The following BRAF variants were observed in gnomAD, a reference collection of about 807,000 sequenced individuals.
BRAF encodes the protein serine/threonine-protein kinase B-raf.
In BRAF, 16 loss-of-function variants were observed where a neutral mutation model predicts 104.6. The ratio of observed to expected loss-of-function variants is 0.15; its 90% CI spans 0.10 to 0.23. The LOEUF (loss-of-function observed/expected upper bound fraction) is 0.23, where lower values mean the gene tolerates loss of function less well. Among genes scored for constraint, BRAF ranks in the 10% least tolerant of loss-of-function variants. The pLI is 1.00. For missense variants in BRAF, 541 were observed against 937.3 expected (o/e 0.58, Z 5.52); for synonymous variants, 310 against 341.6 (o/e 0.91, Z 1.02).
At chr7:140,911,367 A>T (rs929818227) in intron 1 of BRAF, among the ~76,000 whole-genome samples, 11 of 152,360 alleles carry the variant, frequency 7.2e-5, no homozygotes, top group African/African-American at 2.6e-4. Context: ...TATTAAGACG[A>T]CACTGAACAT....
intron 17 of BRAF, chr7:140,748,925 T>C (rs1797566580): frequency 5.8e-6 from 1 of 171,964 alleles, no homozygotes; most frequent in Admixed American, 6.0e-5. Flanking sequence ...ATCTCATAGC[T>C]GAGTACCTGT....
intron 1 of BRAF, among the ~76,000 whole-genome samples, chr7:140,918,412 A>T (rs1817847497): frequency 6.6e-6 from 1 of 152,124 alleles, no homozygotes; most frequent in South Asian, 2.1e-4. Flanking sequence ...CGCTGATCTG[A>T]CAGGAGGTGG....
At chr7:140,818,220 G>A (rs1805085438) in intron 3 of BRAF, among the ~76,000 whole-genome samples, 1 of 151,942 alleles carries the variant, frequency 6.6e-6, no homozygotes, top group African/African-American at 2.4e-5. Flanking sequence ...ATAATATGAA[G>A]CAAATATAAC....
intron 14 of BRAF, among the ~76,000 whole-genome samples, chr7:140,760,444 T>G (rs1051032403): frequency 1.8e-4 from 27 of 149,840 alleles, no homozygotes; most frequent in Non-Finnish European, 2.4e-4. Context: ...AAAAAAGATG[T>G]TTTCTGGAGC....
chr7:140,781,811 A>C, intron 11 of BRAF, 118 bp from the exon 11 acceptor site: 1 of 808,724 alleles, frequency 1.2e-6, no homozygotes, highest in South Asian at 1.5e-5. Context: ...CCCCTTAAGA[A>C]AAATTCTCTG....
At chr7:140,773,571 C>G (rs1800046190) in intron 14 of BRAF, among the ~76,000 whole-genome samples, 1 of 152,008 alleles carries the variant, frequency 6.6e-6, no homozygotes, top group Admixed American at 6.6e-5. Flanking sequence ...GTCTCCCAGT[C>G]CAGAGATATT....
intron 3 of BRAF, among the ~76,000 whole-genome samples, chr7:140,832,933 G>T (rs896265074): frequency 4.6e-5 from 7 of 151,042 alleles, no homozygotes; most frequent in Admixed American, 4.6e-4. Flanking sequence ...GAGTGCAGTG[G>T]CGCGATCTCG....
intron 17 of BRAF, chr7:140,747,479 C>T (rs1797447978): frequency 9.1e-7 from 1 of 1,101,934 alleles, no homozygotes; most frequent in Admixed American, 2.4e-5. Flanking sequence ...GAGAGAAGAA[C>T]TCTGGGATGC....
chr7:140,861,427 G>A (rs997093095), intron 1 of BRAF, among the ~76,000 whole-genome samples: 1 of 152,200 alleles, frequency 6.6e-6, no homozygotes, highest in Non-Finnish European at 1.5e-5. Flanking sequence ...GTTACTGGGT[G>A]TATAGGTTTT....
chr7:140,713,680 C>T, the BRAF span, among the ~76,000 whole-genome samples: 3 of 152,164 alleles, frequency 2.0e-5, no homozygotes, highest in Admixed American at 1.3e-4. Context: ...GGAGGAGAGG[C>T]GCTCTGATTT....
At chr7:140,732,145 T>C (rs1413162239) in intron 19 of BRAF, 6 of 100,370 alleles carry the variant, frequency 6.0e-5, no homozygotes, top group Non-Finnish European at 9.0e-5. Flanking sequence ...CACTCCAGCC[T>C]GGGCGACAGA....
chr7:140,901,174 T>A (rs1815586126), intron 1 of BRAF, among the ~76,000 whole-genome samples: 2 of 152,212 alleles, frequency 1.3e-5, no homozygotes, highest in South Asian at 4.1e-4. Flanking sequence ...AAAGTTTGTA[T>A]GAAAAAATAT....
chr7:140,893,255 T>C (rs998146274), intron 1 of BRAF, among the ~76,000 whole-genome samples: 1 of 150,724 alleles, frequency 6.6e-6, no homozygotes, highest in Non-Finnish European at 1.5e-5. Context: ...TAACATTCTT[T>C]TTTTTTTTTT....
At chr7:140,719,297 A>C, downstream of BRAF, 1 of 875,442 alleles carries the variant, frequency 1.1e-6, no homozygotes, top group Non-Finnish European at 1.4e-6. Context: ...TTTGTTACTG[A>C]ATGTAATCGT....
At chr7:140,763,084 G>A (rs1335102867) in intron 14 of BRAF, among the ~76,000 whole-genome samples, 4 of 152,132 alleles carry the variant, frequency 2.6e-5, no homozygotes, top group Admixed American at 2.0e-4. Flanking sequence ...CCACAAAACC[G>A]CCATTGTCAT....
At chr7:140,778,871 A>G (rs753153354) in intron 12 of BRAF, among the ~76,000 whole-genome samples, 34 of 152,192 alleles carry the variant, frequency 2.2e-4, no homozygotes, top group Admixed American at 2.6e-4. Context: ...TGGTCTCACA[A>G]TTCTGTCCTA....
At chr7:140,834,959 A>G (rs1245127702) in intron 2 of BRAF, 87 bp from the exon 3 acceptor site, 2 of 1,482,662 alleles carry the variant, frequency 1.3e-6, no homozygotes, top group Non-Finnish European at 1.9e-6. Flanking sequence ...TTTGATTATA[A>G]TCTTTTCACC....
intron 1 of BRAF, among the ~76,000 whole-genome samples, chr7:140,889,863 T>C (rs1417048849): frequency 2.0e-5 from 3 of 151,674 alleles, no homozygotes; most frequent in Admixed American, 1.3e-4. Context: ...AGCGAGGGGG[T>C]TGGGGGTTCC....
intron 8 of BRAF, among the ~76,000 whole-genome samples, chr7:140,793,790 T>C (rs998025192): frequency 6.6e-6 from 1 of 152,090 alleles, no homozygotes; most frequent in Non-Finnish European, 1.5e-5. Context: ...CATGCATGGC[T>C]AATTTGTTTT....
Sources: gnomAD v4.1 joint callset for allele counts (sites outside exome capture counted in the v4.1 genomes callset) on GRCh38, gnomAD v4.1.1 for gene constraint, MANE v1.5 for transcripts, NCBI Gene and HGNC (gene_info 2026-07-23, HGNC 2026-07-21) for gene names.